TMPRSS11B: variants seen among roughly 807,000 people sequenced by gnomAD.
TMPRSS11B encodes transmembrane serine protease 11B.
In TMPRSS11B, 53 loss-of-function variants were observed where a neutral mutation model predicts 44.7. The observed-to-expected ratio is 1.19, with a 90% CI of 0.95 to 1.49. The LOEUF (loss-of-function observed/expected upper bound fraction) is 1.49, where lower values mean the gene tolerates loss of function less well. TMPRSS11B is among the 40% of genes most tolerant of loss of function. TMPRSS11B has a pLI of 0.00. For synonymous variants in TMPRSS11B, 140 were observed against 159.2 expected, an observed-to-expected ratio of 0.88 and a Z score of 0.91; for missense variants, 526 against 494.8, an observed-to-expected ratio of 1.06 and a Z score of -0.60.
At chr4:68,242,204 TATA>T (rs1719844906) in intron 1 of TMPRSS11B, among the ~76,000 whole-genome samples, 1 of 40,852 alleles carries the variant, frequency 2.4e-5, no homozygotes, top group Non-Finnish European at 4.4e-5. Flanking sequence ...CATAATATAA[TATA>T]ATATATATAA....
intron 1 of TMPRSS11B, among the ~76,000 whole-genome samples, chr4:68,242,271 A>ATATT (rs1372755352): frequency 1.4e-5 from 1 of 73,994 alleles, no homozygotes; most frequent in African/African-American, 7.2e-5. Flanking sequence ...TATATAATAT[A>ATATT]ATATTATATA....
Position 68,234,579 on chromosome 4 carries a change from T to G in TMPRSS11B, c.353A>C (p.Lys118Thr), listed in dbSNP as rs770799605. 6.2e-7 allele frequency: 1 copy of G among 1,613,832 alleles called. No homozygotes were observed. Among genetic ancestry groups the G allele is most frequent in the African/African-American group, 1.3e-5 (1 of 74,924 alleles). Residue 118 changes from lysine (K) to threonine (T), a missense_variant, in exon 5 of 10, where the codon AAG (lysine) becomes ACG (threonine). Physicochemically the swap from Lys to Thr is moderately conservative, Grantham distance 78. Transcript: ENST00000332644. The part of the protein sequence containing the change: ...GSNVQLQLKF[K>T]FPPAEGVSMR... ...GCTAACTCCTTCTGCTGGAGGAAAC[T>G]TGAATTTCAGCTGTAACTGCACATT... is the stretch of plus-strand genomic sequence containing the variant.
At chr4:68,240,046 G>A (rs1022262196) in intron 2 of TMPRSS11B, among the ~76,000 whole-genome samples, 6 of 152,128 alleles carry the variant, frequency 3.9e-5, no homozygotes, top group Admixed American at 3.9e-4. Context: ...TTATCTCTGA[G>A]TTAATCTAAA....
At position 68,228,735 on chromosome 4, in the gene TMPRSS11B, G is replaced by C. The variant is rs778070932; in HGVS notation, c.1089+7C>G. 1.9e-6 allele frequency: 3 copies of C among 1,603,752 alleles called. No homozygotes were observed. Among genetic ancestry groups the C allele is most frequent in the Admixed American group, 1.7e-5 (1 of 58,036 alleles). The stretch of plus-strand genomic sequence containing the variant: ...AGAAAACAACTGGATAATGTAACTA[G>C]ACATACCTGACATGCATCAGCTTCT... On this transcript the variant is annotated splice_region_variant and intron_variant, in intron 9 of 9. Transcript: ENST00000332644.
At position 68,229,524 on chromosome 4, in the gene TMPRSS11B, A is replaced by T. The variant is rs748154329; in HGVS notation, c.687-8T>A. On this transcript the variant is annotated splice_polypyrimidine_tract_variant and splice_region_variant and intron_variant, in intron 7 of 9. Transcript: ENST00000332644. ...TCTTTTGAATTATTTTTCCTAGAGG[A>T]CACAATGTAATTAGAATACACTCAG... 3.1e-6 allele frequency: 5 copies of T among 1,607,810 alleles called. No homozygotes were observed. The highest frequency in any genetic ancestry group is 4.3e-6 in the Non-Finnish European group (5 of 1,176,380).
At chr4:68,231,019 C>T (rs1007265317) in intron 7 of TMPRSS11B, among the ~76,000 whole-genome samples, 184 bp downstream of exon 7, 2 of 92,802 alleles carry the variant, frequency 2.2e-5, no homozygotes, top group African/African-American at 8.6e-5. Flanking sequence ...CTTTTCTCTC[C>T]TTTCTCTAAT....
At chr4:68,228,698 T>A in intron 9 of TMPRSS11B, 44 bp downstream of exon 9, 1 of 1,552,826 alleles carries the variant, frequency 6.4e-7, no homozygotes, top group Non-Finnish European at 8.7e-7. Flanking sequence ...AACTTCCATT[T>A]GATTAACTGG....
intron 2 of TMPRSS11B, among the ~76,000 whole-genome samples, chr4:68,240,266 T>C (rs1719788466): frequency 6.6e-6 from 1 of 152,108 alleles, no homozygotes; most frequent in Non-Finnish European, 1.5e-5. Flanking sequence ...TAAGCCAGAG[T>C]CCTACAGCAG....
chr4:68,231,442 TATC>T, intron 6 of TMPRSS11B, 62 bp from the exon 7 acceptor site: 2 of 1,408,470 alleles, frequency 1.4e-6, no homozygotes, highest in Non-Finnish European at 9.6e-7. Flanking sequence ...TAAAAAAATA[TATC>T]ATTAAAAATT....
At chr4:68,235,751 AG>A (rs1719641470) in intron 4 of TMPRSS11B, among the ~76,000 whole-genome samples, 1 of 152,196 alleles carries the variant, frequency 6.6e-6, no homozygotes, top group Admixed American at 6.5e-5. Flanking sequence ...ATAAGATTAA[AG>A]ATTTGTATAT....
intron 2 of TMPRSS11B, among the ~76,000 whole-genome samples, chr4:68,241,460 T>C (rs1342290899): frequency 1.3e-5 from 2 of 152,148 alleles, no homozygotes; most frequent in Admixed American, 1.3e-4. Context: ...CATCAAAGCA[T>C]TGAACATTTC....
Position 68,245,553 on chromosome 4 carries a change from G to T in TMPRSS11B, c.6C>A (p.Tyr2Ter). Residue 2 changes from tyrosine (Y) to a stop codon, truncating the protein, a stop_gained and splice_region_variant, in exon 1 of 10, where the codon TAC becomes TAA. Transcript: ENST00000332644. LOFTEE classifies it high-confidence loss of function. M[Y>*]RHGISSQRSW... The stretch of plus-strand genomic sequence containing the variant: ...CTCCCCAGTGAAGTCCCCTTTACCT[G>T]TACATAATGTTCTGATTGTTATGGC... 2 of 1,613,452 alleles carry T rather than the reference G, an allele frequency of 1.2e-6. No individual in the cohort carries two copies. Among genetic ancestry groups the T allele is most frequent in the Non-Finnish European group, 1.7e-6 (2 of 1,179,578 alleles).
chr4:68,231,674 C>T (rs562432618), intron 6 of TMPRSS11B, among the ~76,000 whole-genome samples: 1 of 152,336 alleles, frequency 6.6e-6, no homozygotes, highest in Non-Finnish European at 1.5e-5. Context: ...AGCTTTGCCT[C>T]ATTGGTGTCT....
In TMPRSS11B at chr4:68,236,160, A is replaced by C. The variant is rs1719658858; in HGVS notation, c.231T>G (p.Ile77Met). Residue 77 changes from isoleucine (I) to methionine (M), a missense_variant, in exon 3 of 10, where the codon ATT (isoleucine) becomes ATG (methionine). By Grantham distance (10) the Ile-to-Met change is conservative. Coordinates refer to ENST00000332644, the MANE Select transcript of TMPRSS11B (RefSeq NM_182502.3). Reference sequence around the variant, plus strand: ...AAAATCTCTGATTTACCTTAGTCTCAATATCTTTGCTTAGATTTGTGCTGG... The same window carrying C: ...AAAATCTCTGATTTACCTTAGTCTCCATATCTTTGCTTAGATTTGTGCTGG... ...SQASTNLSKD[I>M]ETKMLNAFQN... The C allele has an allele frequency of 1.2e-6, 2 of 1,606,970 alleles. No individual in the cohort carries two copies. The highest frequency in any genetic ancestry group is 2.2e-5 in the South Asian group (2 of 89,496).
At chr4:68,245,507 G>A (rs746528979) in intron 1 of TMPRSS11B, 44 bp downstream of exon 1, 1 of 1,605,172 alleles carries the variant, frequency 6.2e-7, no homozygotes, top group Non-Finnish European at 8.5e-7. Context: ...ATGGCAACTT[G>A]CTACATTTTG....
intron 7 of TMPRSS11B, among the ~76,000 whole-genome samples, chr4:68,230,707 G>A (rs1397127664): frequency 6.6e-6 from 1 of 151,588 alleles, no homozygotes; most frequent in Non-Finnish European, 1.5e-5. Context: ...AGGAGGCTGA[G>A]ACAGGAGAAT....
At chr4:68,232,195 G>T (rs942376793) in intron 6 of TMPRSS11B, 183 bp downstream of exon 6, 3 of 393,200 alleles carry the variant, frequency 7.6e-6, no homozygotes, top group Non-Finnish European at 1.4e-5. Context: ...TTTAATAAAT[G>T]TTAAAATTAA....
At chr4:68,234,649 G>T (rs1316345499) in intron 4 of TMPRSS11B, 26 bp from the exon 5 acceptor site, 3 of 1,608,504 alleles carry the variant, frequency 1.9e-6, no homozygotes, top group Non-Finnish European at 2.5e-6. Context: ...ATTTTCTAAT[G>T]TACTGTTTCT....
chr4:68,228,726 A>G lies in TMPRSS11B; in HGVS notation c.1089+16T>C, dbSNP rs1719421716. 4 of 1,586,446 alleles carry G rather than the reference A, an allele frequency of 2.5e-6. No individual in the cohort carries two copies. The African/African-American group carries it at 5.5e-5, about 22-fold the overall frequency. On this transcript the variant is annotated intron_variant, in intron 9 of 9. Transcript: ENST00000332644. ...TTAACTGGGAGAAAACAACTGGATA[A>G]TGTAACTAGACATACCTGACATGCA...
Sources: gnomAD v4.1 joint callset for allele counts (sites outside exome capture counted in the v4.1 genomes callset) on GRCh38, gnomAD v4.1.1 for gene constraint, MANE v1.5 for transcripts, NCBI Gene and HGNC (gene_info 2026-07-23, HGNC 2026-07-21) for gene names.